SHANK2: variants seen among roughly 807,000 people sequenced by gnomAD.
The protein encoded by SHANK2 is SH3 and multiple ankyrin repeat domains 2, also known as SH3 and multiple ankyrin repeat domains protein 2.
Under a neutral mutation model 133.7 loss-of-function variants are expected in SHANK2, and 43 were observed. The observed-to-expected ratio is 0.32, with a 90% CI of 0.25 to 0.41. The LOEUF (loss-of-function observed/expected upper bound fraction) is 0.41. Among genes scored for constraint, SHANK2 ranks in the 10% least tolerant of loss-of-function variants. The pLI, the probability that SHANK2 is intolerant of heterozygous loss-of-function variation, is 1.00. For synonymous variants in SHANK2, 1,017 were observed against 952.8 expected (o/e 1.07, Z -1.24); for missense variants, 1,994 against 2,235.8 (o/e 0.89, Z 2.18).
At chr11:70,775,920 A>G (rs1342604869) in intron 14 of SHANK2, among the ~76,000 whole-genome samples, 2 of 152,248 alleles carry the variant, frequency 1.3e-5, no homozygotes, top group Non-Finnish European at 2.9e-5. Flanking sequence ...TCTTCATTCA[A>G]TAACAGAGCA....
chr11:70,505,026 T>G (rs2059117236), intron 17 of SHANK2, among the ~76,000 whole-genome samples: 1 of 151,956 alleles, frequency 6.6e-6, no homozygotes, highest in Non-Finnish European at 1.5e-5. Flanking sequence ...CTGTGGGAAG[T>G]TTGCGTCCTC....
chr11:70,566,759 T>C (rs1479742371), intron 17 of SHANK2: 1 of 151,834 alleles, frequency 6.6e-6, no homozygotes, highest in Non-Finnish European at 1.5e-5. Context: ...CAGACAAGGG[T>C]GATTAACAAG....
chr11:71,087,731 C>T (rs965515849), intron 8 of SHANK2, among the ~76,000 whole-genome samples: 11 of 152,102 alleles, frequency 7.2e-5, no homozygotes, highest in Admixed American at 3.3e-4. Context: ...TGGGTTCAAG[C>T]GATTTGCACG....
intron 11 of SHANK2, among the ~76,000 whole-genome samples, chr11:70,821,456 C>T (rs536784325): frequency 1.3e-5 from 2 of 152,072 alleles, no homozygotes; most frequent in African/African-American, 2.4e-5. Flanking sequence ...GACAGGGTTT[C>T]GCCCTGTCAC....
chr11:70,803,211 C>T (rs1411587238), intron 13 of SHANK2, among the ~76,000 whole-genome samples: 5 of 150,744 alleles, frequency 3.3e-5, no homozygotes, highest in South Asian at 2.1e-4. Context: ...TTCACGCTGC[C>T]ATGCACTCAC....
intron 16 of SHANK2, among the ~76,000 whole-genome samples, chr11:70,661,003 C>T (rs772958105): frequency 6.6e-6 from 1 of 152,246 alleles, no homozygotes; most frequent in Non-Finnish European, 1.5e-5. Flanking sequence ...CCGCCATGGA[C>T]TGCATTCCTG....
At chr11:70,754,212 C>A (rs1464791395) in intron 14 of SHANK2, among the ~76,000 whole-genome samples, 1 of 152,342 alleles carries the variant, frequency 6.6e-6, no homozygotes, top group South Asian at 2.1e-4. Flanking sequence ...ACCAACTCTA[C>A]ACAATTCCTC....
At chr11:70,941,295 G>A (rs1950643542) in intron 10 of SHANK2, among the ~76,000 whole-genome samples, 1 of 152,124 alleles carries the variant, frequency 6.6e-6, no homozygotes, top group Non-Finnish European at 1.5e-5. Flanking sequence ...CAAAAATGGA[G>A]GCTGACACAC....
intron 22 of SHANK2, among the ~76,000 whole-genome samples, chr11:70,491,414 C>A (rs1207700800): frequency 6.6e-6 from 1 of 152,192 alleles, no homozygotes; most frequent in Non-Finnish European, 1.5e-5. Context: ...CAAGGACCGG[C>A]AGGCAGGGCC....
intron 17 of SHANK2, among the ~76,000 whole-genome samples, chr11:70,523,169 G>A (rs1469635805): frequency 3.3e-5 from 5 of 152,182 alleles, no homozygotes; most frequent in Admixed American, 2.6e-4. Context: ...GCATCTGCCC[G>A]GGCCAGCTGG....
At chr11:70,735,247 C>T (rs1555033234) in intron 14 of SHANK2, among the ~76,000 whole-genome samples, 1 of 152,164 alleles carries the variant, frequency 6.6e-6, no homozygotes, top group Non-Finnish European at 1.5e-5. Flanking sequence ...TGCAAGTGTC[C>T]CAGGTGGAGC....
intron 1 of SHANK2, among the ~76,000 whole-genome samples, chr11:71,245,385 T>C (rs1299630147): frequency 6.6e-6 from 1 of 152,258 alleles, no homozygotes; most frequent in Non-Finnish European, 1.5e-5. Context: ...CATTAATAAT[T>C]AGATATTTGT....
chr11:70,868,510 C>A (rs907121320), intron 11 of SHANK2, among the ~76,000 whole-genome samples: 7 of 152,222 alleles, frequency 4.6e-5, no homozygotes, highest in Non-Finnish European at 1.0e-4. Context: ...GCAACTGTGG[C>A]ACAGAGAGGT....
intron 17 of SHANK2, among the ~76,000 whole-genome samples, chr11:70,610,224 AAC>A (rs1393715613): frequency 6.6e-6 from 1 of 152,028 alleles, no homozygotes; most frequent in Non-Finnish European, 1.5e-5. Context: ...ATGAAAAGAA[AAC>A]AGTTATGGGA....
At chr11:71,079,357 G>A (rs1361116828) in intron 8 of SHANK2, among the ~76,000 whole-genome samples, 4 of 152,328 alleles carry the variant, frequency 2.6e-5, no homozygotes, top group East Asian at 1.9e-4. Flanking sequence ...CTGGGACACC[G>A]TCACCACTCA....
At position 71,188,326 on chromosome 11, in the gene SHANK2, GA is replaced by G. The variant is rs1953717833; in HGVS notation, c.-13+36370del. The stretch of plus-strand genomic sequence containing the variant: ...GCCCAGCCCCTTCCAGCATACGCCT[GA>G]GAAGGTCAGCCCCAAACGCCCTCAG... On this transcript the variant is annotated intron_variant, in intron 2 of 25. Coordinates refer to ENST00000601538, the MANE Select transcript of SHANK2 (RefSeq NM_012309.5). The surrounding 1 kb of genome is among the most constrained non-coding windows in gnomAD (Gnocchi z 4.6). Among the ~76,000 whole-genome samples, 1 of 152,052 alleles carries G rather than the reference GA, an allele frequency of 6.6e-6. No homozygotes were observed. The highest frequency in any genetic ancestry group is 6.5e-5 in the Admixed American group (1 of 15,268).
chr11:70,595,503 C>T (rs1481030500), intron 17 of SHANK2, among the ~76,000 whole-genome samples: 1 of 152,204 alleles, frequency 6.6e-6, no homozygotes, highest in Non-Finnish European at 1.5e-5. Flanking sequence ...AAACCACACG[C>T]TGGCCCAGAC....
In SHANK2 at chr11:70,659,861, T is replaced by A. The variant is rs2061459269; in HGVS notation, c.2028A>T (p.Gln676His). The A allele has an allele frequency of 6.2e-7, 1 of 1,614,176 alleles. No homozygotes were observed. Among genetic ancestry groups the A allele is most frequent in the East Asian group, 2.2e-5 (1 of 44,882 alleles). Residue 676 changes from glutamine to histidine, a missense_variant, in exon 17 of 26, where the codon CAA (glutamine) becomes CAT (histidine). Gln to His is a conservative substitution (Grantham distance 24). Coordinates refer to ENST00000601538, the MANE Select transcript of SHANK2 (RefSeq NM_012309.5). Reference protein sequence around the residue: ...ESVDEGGVAWQAGLRTGDFLI... With the variant: ...ESVDEGGVAWHAGLRTGDFLI... ...AGAAGTCCCCGGTCCTTAGTCCGGC[T>A]TGCCACGCCACCCCACCTTCATCCA...
At chr11:70,906,246 A>G (rs1950102456) in intron 10 of SHANK2, among the ~76,000 whole-genome samples, 2 of 152,350 alleles carry the variant, frequency 1.3e-5, no homozygotes, top group African/African-American at 4.8e-5. Flanking sequence ...GGACATGGGC[A>G]GCACATGCGA....
Sources: gnomAD v4.1 joint callset for allele counts (sites outside exome capture counted in the v4.1 genomes callset) on GRCh38, gnomAD v4.1.1 for gene constraint, Gnocchi (gnomAD v3.1) non-coding constraint, MANE v1.5 for transcripts, NCBI Gene and HGNC (gene_info 2026-07-23, HGNC 2026-07-21) for gene names.